The following CUBN variants were observed in gnomAD, a reference collection of about 807,000 sequenced individuals.
The protein encoded by CUBN is cubilin, also known as 460 kDa receptor.
A neutral mutation model predicts 405.3 loss-of-function variants in CUBN; 282 were observed. The ratio of observed to expected loss-of-function variants is 0.70; its 90% confidence interval spans 0.63 to 0.77. CUBN has a LOEUF of 0.77. Among genes scored for constraint, CUBN ranks in the 30% least tolerant of loss-of-function variants. The probability of loss-of-function intolerance (pLI) is 0.00; values close to 1 mark genes in which losing one functional copy is unlikely to be tolerated. For missense variants in CUBN, 4,514 were observed against 4,475.2 expected (o/e 1.01, Z -0.25); for synonymous variants, 1,684 against 1,617.0 (o/e 1.04, Z -0.99).
chr10:17,093,945 T>C (rs1489959277), intron 14 of CUBN, among the ~76,000 whole-genome samples: 1 of 151,962 alleles, frequency 6.6e-6, no homozygotes, highest in African/African-American at 2.4e-5. Flanking sequence ...TCAGCATATG[T>C]GTAATTTGAG....
intron 56 of CUBN, among the ~76,000 whole-genome samples, chr10:16,882,762 C>T (rs1368782241): frequency 6.6e-6 from 1 of 152,048 alleles, no homozygotes; most frequent in East Asian, 1.9e-4. Context: ...ACCTGTAATC[C>T]CAACACTTTG....
Position 16,900,723 on chromosome 10 carries a change from G to A in CUBN, c.8312C>T (p.Thr2771Ile). Residue 2771 changes from threonine (T) to isoleucine (I), a missense_variant, in exon 53 of 67, where the codon ACA becomes ATA. Physicochemically the swap from Thr to Ile is moderately conservative, Grantham distance 89 (BLOSUM62 -1). Around this residue, in one of 5 missense-constraint regions of CUBN, gnomAD observed 1,186 missense variants for 1,186.9 expected, o/e 1.00. Coordinates refer to ENST00000377833, the MANE Select transcript of CUBN (RefSeq NM_001081.4). ...CAGCTGATTGGAACCTGACTGTATTGTCCTGGGGTTTGAATTTCCACAGTA... is the reference window on the plus strand; with the variant it reads ...CAGCTGATTGGAACCTGACTGTATTATCCTGGGGTTTGAATTTCCACAGTA... Reference protein sequence around the residue: ...GQYCGNSNPRTIQSGSNQLVV... With the variant: ...GQYCGNSNPRIIQSGSNQLVV... 1 of 1,614,116 alleles carries A rather than the reference G, an allele frequency of 6.2e-7. No individual in the cohort carries two copies. The highest frequency in any genetic ancestry group is 8.5e-7 in the Non-Finnish European group (1 of 1,179,970).
intron 56 of CUBN, among the ~76,000 whole-genome samples, chr10:16,877,817 T>C (rs1053419721): frequency 4.6e-5 from 7 of 152,224 alleles, no homozygotes; most frequent in African/African-American, 1.7e-4. Context: ...TAAAAAGATA[T>C]GTGTCCACTA....
Position 17,071,549 on chromosome 10 carries a change from G to A in CUBN, c.2502C>T (p.Asn834=), listed in dbSNP as rs750007278. 11 of 1,613,736 alleles carry A rather than the reference G, an allele frequency of 6.8e-6. No individual in the cohort carries two copies. Among genetic ancestry groups the A allele is most frequent in the African/African-American group, 1.3e-5 (1 of 74,870 alleles). ...TACAGGTTCTTTCTCCAGGATACAC[G>A]TTAGGAAAAAAAGGCGAGCGAATGA... ...EGVIRSPFFP[N]VYPGERTCRW... The change falls in exon 19 of 67, where the codon AAC becomes AAT. Residue 834 remains asparagine, a synonymous_variant. Transcript: ENST00000377833.
chr10:17,094,252 C>G (rs1188485055), intron 14 of CUBN, among the ~76,000 whole-genome samples: 1 of 152,004 alleles, frequency 6.6e-6, no homozygotes, highest in Non-Finnish European at 1.5e-5. Flanking sequence ...ATGGAAGTGA[C>G]AAGACACTGA....
At chr10:16,866,010 C>T (rs1308628331) in intron 59 of CUBN, among the ~76,000 whole-genome samples, 1 of 152,050 alleles carries the variant, frequency 6.6e-6, no homozygotes, top group Admixed American at 6.5e-5. Context: ...GTGCGTCTTC[C>T]CCATCTGTCT....
chr10:17,082,837 G>A (rs1391922810), intron 17 of CUBN, among the ~76,000 whole-genome samples: 1 of 152,098 alleles, frequency 6.6e-6, no homozygotes, highest in Non-Finnish European at 1.5e-5. Flanking sequence ...ACTTCTCTGG[G>A]CTACAGTTTC....
chr10:16,958,251 C>T (rs958610860), intron 31 of CUBN, among the ~76,000 whole-genome samples: 13 of 152,246 alleles, frequency 8.5e-5, no homozygotes, highest in Middle Eastern at 3.4e-3. Flanking sequence ...AATTACAAGA[C>T]CTCTGCTAAA....
intron 37 of CUBN, among the ~76,000 whole-genome samples, chr10:16,939,407 T>C (rs1432735416): frequency 6.6e-6 from 1 of 152,144 alleles, no homozygotes; most frequent in Non-Finnish European, 1.5e-5. Flanking sequence ...CCTAGGGGAC[T>C]TGGGGACATG....
At chr10:16,929,164 G>A (rs540583543) in intron 40 of CUBN, among the ~76,000 whole-genome samples, 5 of 151,880 alleles carry the variant, frequency 3.3e-5, no homozygotes, top group Non-Finnish European at 7.4e-5. Context: ...TGTTTGTTTT[G>A]GTATAAAAAC....
rs762737805 is a variant in CUBN at position 17,085,700 on chromosome 10, A to C, written c.2007T>G (p.Ser669=). ...PLLGKFCTTF[S]VPPLQTTGPF... ...GGCCAGTAGTCTGGAGCGGTGGGAC[A>C]GAGAAAGTGGTGCAGAACTTCCCAA... Residue 669 remains serine, a synonymous_variant, in exon 16 of 67, where the codon TCT becomes TCG. Coordinates refer to ENST00000377833, the MANE Select transcript of CUBN (RefSeq NM_001081.4). 2 of 1,614,060 alleles carry C rather than the reference A, an allele frequency of 1.2e-6. No individual in the cohort carries two copies. Among genetic ancestry groups the C allele is most frequent in the East Asian group, 4.5e-5 (2 of 44,876 alleles).
In CUBN at chr10:16,831,260, G is replaced by C; in HGVS notation, c.10520C>G (p.Ser3507Ter). 6.2e-7 allele frequency: 1 copy of C among 1,613,900 alleles called. No homozygotes were observed. The highest frequency in any genetic ancestry group is 8.5e-7 in the Non-Finnish European group (1 of 1,179,762). The stretch of plus-strand genomic sequence containing the variant: ...AAGTGCAAATGTCTTACCAGAGGGT[G>C]ATGAAGTCCAGATGATTTCATATCC... Reference protein sequence around the residue: ...DRGYEIIWTSSPSGCGGTLYG... With the variant: ...DRGYEIIWTS The change falls in exon 65 of 67, where the codon TCA becomes TGA. Residue 3507 changes from serine to a stop codon, truncating the protein, a stop_gained. Coordinates refer to ENST00000377833, the MANE Select transcript of CUBN (RefSeq NM_001081.4). LOFTEE classifies it high-confidence loss of function.
Position 17,115,403 on chromosome 10 carries a change from G to A in CUBN, c.720+68C>T, listed in dbSNP as rs45498199. On this transcript the variant is annotated intron_variant, in intron 7 of 66. Coordinates refer to ENST00000377833, the MANE Select transcript of CUBN (RefSeq NM_001081.4). ...TCCAGGTAGTGCTTGTATGCAGTGGGCATAGGAGGAGGAGGAGCTACTAAC... is the reference window on the plus strand; with the variant it reads ...TCCAGGTAGTGCTTGTATGCAGTGGACATAGGAGGAGGAGGAGCTACTAAC... The A allele has an allele frequency of 0.085, 136,029 of 1,596,712 alleles. 7,207 individuals carry two copies. Among genetic ancestry groups the A allele is most frequent in the South Asian group, 0.23 (20,370 of 90,216 alleles).
chr10:16,843,991 G>A (rs1404899334), intron 60 of CUBN, among the ~76,000 whole-genome samples: 4 of 151,790 alleles, frequency 2.6e-5, no homozygotes, highest in African/African-American at 9.7e-5. Context: ...CCAGACCTGC[G>A]GGGCGTGGTG....
chr10:17,058,895 A>G (rs1407730096), intron 22 of CUBN, among the ~76,000 whole-genome samples: 1 of 152,168 alleles, frequency 6.6e-6, no homozygotes, highest in Non-Finnish European at 1.5e-5. Flanking sequence ...ATAAAAATGT[A>G]TCTATGCCTT....
At chr10:16,846,780 C>T (rs183169796) in intron 60 of CUBN, among the ~76,000 whole-genome samples, 2 of 144,482 alleles carry the variant, frequency 1.4e-5, no homozygotes, top group Admixed American at 7.2e-5. Context: ...CCATTGCACT[C>T]GAGCCTGGGT....
Position 17,088,351 on chromosome 10 carries a change from A to G in CUBN, c.1766-6T>C, listed in dbSNP as rs760789653. The G allele has an allele frequency of 6.2e-7, 1 of 1,601,542 alleles. No homozygotes were observed. Among genetic ancestry groups the G allele is most frequent in the African/African-American group, 1.3e-5 (1 of 74,718 alleles). On this transcript the variant is annotated splice_polypyrimidine_tract_variant and splice_region_variant and intron_variant, in intron 14 of 66. Transcript: ENST00000377833. ...AGTCAGGATACCTCCACACTCTAAA[A>G]TAAGAGGGAAAAATAATGTTACATT...
intron 56 of CUBN, among the ~76,000 whole-genome samples, chr10:16,886,875 G>A (rs546459931): frequency 9.0e-4 from 137 of 152,278 alleles, no homozygotes; most frequent in African/African-American, 2.8e-3. Context: ...CGCAACTTCC[G>A]CCTCCTGGGT....
At chr10:16,930,425 T>C (rs1842329286) in intron 40 of CUBN, among the ~76,000 whole-genome samples, 1 of 152,158 alleles carries the variant, frequency 6.6e-6, no homozygotes, top group South Asian at 2.1e-4. Flanking sequence ...GAGATAGAAG[T>C]TAACAGTGAT....
Sources: allele counts gnomAD v4.1 joint callset (sites outside exome capture counted in the v4.1 genomes callset), GRCh38; gene constraint gnomAD v4.1.1; regional missense constraint gnomAD v4.1.1; transcripts MANE v1.5; gene names NCBI Gene and HGNC (gene_info 2026-07-23, HGNC 2026-07-21).